The following PLPPR1 variants were observed in gnomAD, a reference collection of about 807,000 sequenced individuals.
PLPPR1 encodes the protein phospholipid phosphatase-related protein type 1.
A neutral mutation model predicts 33.1 loss-of-function variants in PLPPR1; 10 were observed. The observed-to-expected ratio is 0.30, with a 90% CI of 0.19 to 0.51. PLPPR1 has a LOEUF of 0.51. Ranked by LOEUF, PLPPR1 falls within the 20% of genes least tolerant of loss-of-function variation. The pLI is 0.97. For synonymous variants in PLPPR1, 151 were observed against 151.0 expected, an observed-to-expected ratio of 1.00 and a Z score of 0.00; for missense variants, 304 against 408.1, an observed-to-expected ratio of 0.74 and a Z score of 2.20.
intron 1 of PLPPR1, among the ~76,000 whole-genome samples, chr9:101,145,432 A>T (rs569198024): frequency 6.6e-6 from 1 of 152,192 alleles, no homozygotes; most frequent in South Asian, 2.1e-4. Flanking sequence ...CTGAGACTGG[A>T]GTGCAATGGC....
At chr9:101,194,505 T>G (rs1826357976) in intron 2 of PLPPR1, among the ~76,000 whole-genome samples, 1 of 152,124 alleles carries the variant, frequency 6.6e-6, no homozygotes, top group Non-Finnish European at 1.5e-5. Context: ...ATCCTCGCAC[T>G]TTGGGAGGCC....
At chr9:101,153,783 C>T (rs1469654916) in intron 1 of PLPPR1, among the ~76,000 whole-genome samples, 1 of 151,142 alleles carries the variant, frequency 6.6e-6, no homozygotes, top group Non-Finnish European at 1.5e-5. Flanking sequence ...CGGGGTTTCA[C>T]CGTGTTAGCC....
intron 2 of PLPPR1, among the ~76,000 whole-genome samples, chr9:101,207,451 C>T (rs969985679): frequency 6.6e-6 from 1 of 152,108 alleles, no homozygotes; most frequent in African/African-American, 2.4e-5. Flanking sequence ...TGGCAGTCTT[C>T]ATGCTCTGAA....
chr9:101,218,663 A>G (rs1187830586), intron 2 of PLPPR1, among the ~76,000 whole-genome samples: 4 of 152,226 alleles, frequency 2.6e-5, no homozygotes, highest in African/African-American at 9.6e-5. Context: ...AGCATGGGAA[A>G]TTAAAAGTTT....
intron 4 of PLPPR1, among the ~76,000 whole-genome samples, chr9:101,294,161 ATAC>A (rs1462698125): frequency 6.6e-6 from 1 of 152,108 alleles, no homozygotes; most frequent in Non-Finnish European, 1.5e-5. Context: ...TCATCAGAGA[ATAC>A]TACAAACACC....
intron 1 of PLPPR1, among the ~76,000 whole-genome samples, chr9:101,059,142 C>T (rs948571948): frequency 5.3e-5 from 8 of 151,986 alleles, no homozygotes; most frequent in African/African-American, 1.9e-4. Flanking sequence ...TTTGTGTGAT[C>T]TTTTCATTAA....
intron 1 of PLPPR1, among the ~76,000 whole-genome samples, chr9:101,092,489 C>T (rs1421245148): frequency 6.6e-6 from 1 of 152,106 alleles, no homozygotes; most frequent in Non-Finnish European, 1.5e-5. Flanking sequence ...TAGTTTAAAT[C>T]CTTATTAAAT....
intron 1 of PLPPR1, among the ~76,000 whole-genome samples, chr9:101,176,020 C>T (rs374073183): frequency 6.6e-6 from 1 of 152,196 alleles, no homozygotes; most frequent in Non-Finnish European, 1.5e-5. Context: ...TTTTCTTTTG[C>T]CTCAGGTGTC....
chr9:101,188,180 C>T (rs1043404109), intron 2 of PLPPR1, among the ~76,000 whole-genome samples: 3 of 151,978 alleles, frequency 2.0e-5, no homozygotes, highest in African/African-American at 7.2e-5. Flanking sequence ...GCTTAATATG[C>T]TTTTTCACTG....
At chr9:101,036,343 T>C (rs1830009809) in intron 1 of PLPPR1, among the ~76,000 whole-genome samples, 1 of 152,170 alleles carries the variant, frequency 6.6e-6, no homozygotes, top group South Asian at 2.1e-4. Context: ...CTGGCTAATC[T>C]TCTGGTCAAT....
At chr9:101,259,983 G>A (rs927266515) in intron 2 of PLPPR1, among the ~76,000 whole-genome samples, 1 of 152,134 alleles carries the variant, frequency 6.6e-6, no homozygotes, top group African/African-American at 2.4e-5. Flanking sequence ...TTTTAGAAAT[G>A]GAATGAGAGA....
chr9:101,281,001 A>G (rs1454032501), intron 3 of PLPPR1, among the ~76,000 whole-genome samples: 1 of 152,160 alleles, frequency 6.6e-6, no homozygotes, highest in Non-Finnish European at 1.5e-5. Flanking sequence ...AGACTATATG[A>G]TCTTATATTT....
In PLPPR1 at chr9:101,163,237, A is replaced by G. The variant is rs535397260; in HGVS notation, c.-45-22213A>G. 2.0e-5 allele frequency among the ~76,000 whole-genome samples: 3 copies of G among 152,278 alleles called. No homozygotes were observed. The East Asian group carries it at 5.8e-4, about 29-fold the overall frequency. On this transcript the variant is annotated intron_variant, in intron 1 of 7. Transcript: ENST00000374874. Reference sequence around the variant, plus strand: ...GTTTGTTCCTATTTGGTGTCTGAACACTCCACGACAAAAATAGAGAACTGA... The same window carrying G: ...GTTTGTTCCTATTTGGTGTCTGAACGCTCCACGACAAAAATAGAGAACTGA...
At chr9:101,082,752 G>A (rs1408718337) in intron 1 of PLPPR1, among the ~76,000 whole-genome samples, 1 of 152,162 alleles carries the variant, frequency 6.6e-6, no homozygotes, top group African/African-American at 2.4e-5. Flanking sequence ...TGGGCTTTGG[G>A]GAGAGATAAA....
chr9:101,185,757 C>T (rs1164025801), intron 2 of PLPPR1, among the ~76,000 whole-genome samples, 200 bp downstream of exon 2: 1 of 151,466 alleles, frequency 6.6e-6, no homozygotes, highest in Non-Finnish European at 1.5e-5. Flanking sequence ...TAAACTTCAC[C>T]TTTGGATATA....
chr9:101,079,646 C>T (rs1354295583), intron 1 of PLPPR1, among the ~76,000 whole-genome samples: 1 of 151,100 alleles, frequency 6.6e-6, no homozygotes, highest in East Asian at 1.9e-4. Flanking sequence ...GTGGCACGAT[C>T]TTGGCTCACT....
intron 4 of PLPPR1, among the ~76,000 whole-genome samples, chr9:101,297,380 G>C (rs989014141): frequency 2.6e-5 from 4 of 152,140 alleles, no homozygotes; most frequent in Admixed American, 2.6e-4. Context: ...ATAGGCTTCT[G>C]CTTCACCCCA....
intron 1 of PLPPR1, among the ~76,000 whole-genome samples, chr9:101,050,905 A>T (rs889687403): frequency 1.3e-5 from 2 of 152,070 alleles, no homozygotes; most frequent in Non-Finnish European, 2.9e-5. Flanking sequence ...CCTTTCATCC[A>T]TCGGCTCTTA....
At chr9:101,191,642 C>T (rs1564171307) in intron 2 of PLPPR1, among the ~76,000 whole-genome samples, 1 of 152,196 alleles carries the variant, frequency 6.6e-6, no homozygotes, top group Non-Finnish European at 1.5e-5. Flanking sequence ...CATGCCTTCT[C>T]ACAGCTAATA....
Sources: allele counts gnomAD v4.1 joint callset (sites outside exome capture counted in the v4.1 genomes callset), GRCh38; gene constraint gnomAD v4.1.1; transcripts MANE v1.5; gene names NCBI Gene and HGNC (gene_info 2026-07-23, HGNC 2026-07-21).